ACKR3: variants seen among roughly 807,000 people sequenced by gnomAD.
ACKR3 encodes atypical chemokine receptor 3.
Under a neutral mutation model 22.4 loss-of-function variants are expected in ACKR3, and 6 were observed. The observed-to-expected ratio is 0.27, with a 90% CI of 0.15 to 0.53. The LOEUF (loss-of-function observed/expected upper bound fraction) is 0.53. Ranked by LOEUF, ACKR3 falls within the 20% of genes least tolerant of loss-of-function variation. ACKR3 has a pLI of 0.96. For missense variants in ACKR3, 396 were observed against 475.2 expected (o/e 0.83, Z 1.55); for synonymous variants, 209 against 205.2 (o/e 1.02, Z -0.16).
At chr2:236,561,308 AAAAAG>A in the ACKR3 span, among the ~76,000 whole-genome samples, 1 of 152,352 alleles carries the variant, frequency 6.6e-6, no homozygotes, top group East Asian at 1.9e-4. Flanking sequence ...TAAAATCTAA[AAAAAG>A]AAGAGTATGG....
the ACKR3 span, among the ~76,000 whole-genome samples, chr2:236,539,319 T>TG: frequency 7.0e-6 from 1 of 143,598 alleles, no homozygotes. Context: ...TTTTTTTTTT[T>TG]TTTTTGTTTT....
upstream of ACKR3, among the ~76,000 whole-genome samples, chr2:236,568,789 T>C (rs1457329622): frequency 2.0e-5 from 3 of 152,194 alleles, no homozygotes; most frequent in African/African-American, 7.2e-5. Flanking sequence ...TTAGTAGAAG[T>C]ATAAAAAGAA....
In ACKR3 at chr2:236,577,489, C is replaced by G. The variant is rs977738567; in HGVS notation, c.-26-2951C>G. 6.6e-6 allele frequency among the ~76,000 whole-genome samples: 1 copy of G among 152,112 alleles called. No individual in the cohort carries two copies. Among genetic ancestry groups the G allele is most frequent in the Non-Finnish European group, 1.5e-5 (1 of 68,028 alleles). ...AGAATACTGAAGGCTGCTGGTAGCT[C>G]AAAGCGGGTGAGTGTCTATTTTGTG... On this transcript the variant is annotated intron_variant, in intron 1 of 1. Transcript: ENST00000272928. The surrounding 1 kb of genome is among the most constrained non-coding windows in gnomAD (Gnocchi z 5.6).
the ACKR3 span, among the ~76,000 whole-genome samples, chr2:236,545,290 G>T: frequency 6.6e-6 from 1 of 152,182 alleles, no homozygotes; most frequent in Non-Finnish European, 1.5e-5. This position sits in a 1 kb window ranked among gnomAD's most constrained non-coding sequence, Gnocchi z 5.3. Context: ...TGCCTGGTGG[G>T]CTCACTCACG....
At chr2:236,566,127 C>T (rs763820561), upstream of ACKR3, among the ~76,000 whole-genome samples, 3 of 152,200 alleles carry the variant, frequency 2.0e-5, no homozygotes, top group East Asian at 1.9e-4. Flanking sequence ...AAGTCAGGTG[C>T]GGTTTCTGGA....
chr2:236,557,512 T>G, the ACKR3 span, among the ~76,000 whole-genome samples: 3 of 152,290 alleles, frequency 2.0e-5, no homozygotes, highest in East Asian at 5.8e-4. Flanking sequence ...GGCCATATAT[T>G]GAAAGGACAT....
rs1202574545 is a variant in ACKR3, at chr2:236,581,736, G to A, written c.*182G>A. On this transcript the variant is annotated 3_prime_UTR_variant, in exon 2 of 2. Transcript: ENST00000272928. The surrounding 1 kb of genome is among the most constrained non-coding windows in gnomAD (Gnocchi z 4.4). ...TTGATGACGCAGCTGTCATTTGGCT[G>A]TGCGTGCTGACAGTTTTGCAACAGG... 6.3e-6 allele frequency: 5 copies of A among 798,242 alleles called. No individual in the cohort carries two copies. Among genetic ancestry groups the A allele is most frequent in the East Asian group, 5.6e-5 (2 of 35,620 alleles). The allele number at this position is 798,242 out of a possible 1,614,324, so 49.4% of individuals were successfully genotyped here.
Position 236,580,810 on chromosome 2 carries a change from C to G in ACKR3, c.345C>G (p.Leu115=). 2 of 1,614,220 alleles carry G rather than the reference C, an allele frequency of 1.2e-6. No homozygotes were observed. The highest frequency in any genetic ancestry group is 1.7e-6 in the Non-Finnish European group (2 of 1,180,050). Residue 115 remains leucine, a synonymous_variant, in exon 2 of 2, where the codon CTC becomes CTG. Transcript: ENST00000272928. ...VQHNQWPMGE[L]TCKVTHLIFS... The stretch of plus-strand genomic sequence containing the variant: ...ACAACCAGTGGCCCATGGGCGAGCT[C>G]ACGTGCAAAGTCACACACCTCATCT...
At chr2:236,570,571 CTAATT>C (rs1354696682) in intron 1 of ACKR3, among the ~76,000 whole-genome samples, 1 of 152,206 alleles carries the variant, frequency 6.6e-6, no homozygotes, top group African/African-American at 2.4e-5. Context: ...GCTTGCTAAT[CTAATT>C]TGAGTATTGT....
the ACKR3 span, among the ~76,000 whole-genome samples, chr2:236,562,534 C>A: frequency 1.4e-3 from 213 of 152,168 alleles, 1 homozygote; most frequent in Non-Finnish European, 2.5e-3. Context: ...AGTGAAGTTT[C>A]TGGGTCACAA....
chr2:236,578,731 C>T (rs1056587575), intron 1 of ACKR3, among the ~76,000 whole-genome samples: 1 of 152,232 alleles, frequency 6.6e-6, no homozygotes, highest in Non-Finnish European at 1.5e-5. Flanking sequence ...TTCAGGGATT[C>T]TGTTCAAGTT....
intron 1 of ACKR3, among the ~76,000 whole-genome samples, chr2:236,576,229 G>A (rs1276356284): frequency 6.6e-6 from 1 of 152,222 alleles, no homozygotes. Context: ...AGGCCCTGTG[G>A]CTATCGGCCT....
Position 236,577,020 on chromosome 2 carries a change from G to C in ACKR3, c.-26-3420G>C, listed in dbSNP as rs777169369. On this transcript the variant is annotated intron_variant, in intron 1 of 1. Coordinates refer to ENST00000272928, the MANE Select transcript of ACKR3 (RefSeq NM_020311.3). The surrounding 1 kb of genome is among the most constrained non-coding windows in gnomAD (Gnocchi z 5.6). ...TTTGGTGGTGGGAAGGGAGAGGCCC[G>C]TCCAGGCCCCGAGAGGAAAGCAGGT... is the stretch of plus-strand genomic sequence containing the variant. Among the ~76,000 whole-genome samples the C allele has an allele frequency of 6.6e-6, 1 of 152,198 alleles. No homozygotes were observed. Among genetic ancestry groups the C allele is most frequent in the Non-Finnish European group, 1.5e-5 (1 of 68,038 alleles).
At chr2:236,559,515 C>G in the ACKR3 span, among the ~76,000 whole-genome samples, 1 of 152,186 alleles carries the variant, frequency 6.6e-6, no homozygotes, top group Non-Finnish European at 1.5e-5. Flanking sequence ...TATAGCTCTA[C>G]AAACAATATG....
At chr2:236,575,744 T>C (rs1175341884) in intron 1 of ACKR3, among the ~76,000 whole-genome samples, 1 of 152,144 alleles carries the variant, frequency 6.6e-6, no homozygotes, top group East Asian at 1.9e-4. Context: ...ACTCTCCCTG[T>C]GCATGAAGGG....
At chr2:236,567,595 C>T (rs1031347175), upstream of ACKR3, among the ~76,000 whole-genome samples, 2 of 152,166 alleles carry the variant, frequency 1.3e-5, no homozygotes, top group Non-Finnish European at 2.9e-5. Context: ...GGGTGGGAGG[C>T]CCAAGGAGAC....
At position 236,581,284 on chromosome 2, in the gene ACKR3, G is replaced by T. The variant is rs376244028; in HGVS notation, c.819G>T (p.Leu273=). Residue 273 remains leucine (L), a synonymous_variant, in exon 2 of 2, where the codon CTG becomes CTT. Transcript: ENST00000272928. This position sits in a 1 kb window ranked among gnomAD's most constrained non-coding sequence, Gnocchi z 4.4. ...VCWLPYHVAV[L]LDIFSILHYI... Reference sequence around the variant, plus strand: ...GGCTGCCCTACCACGTGGCGGTGCTGCTGGACATCTTCTCCATCCTGCACT... The same window carrying T: ...GGCTGCCCTACCACGTGGCGGTGCTTCTGGACATCTTCTCCATCCTGCACT... The T allele has an allele frequency of 1.8e-3, 2,962 of 1,614,044 alleles. 75 individuals carry two copies. In the South Asian group the frequency reaches 0.029, roughly 16 times the overall value.
intron 1 of ACKR3, among the ~76,000 whole-genome samples, chr2:236,578,287 G>C (rs982620754): frequency 3.3e-5 from 5 of 152,212 alleles, no homozygotes; most frequent in African/African-American, 7.2e-5. Flanking sequence ...CTAGAGCTGC[G>C]TCTTAGGACA....
rs374504172 is a variant in ACKR3 at position 236,581,428 on chromosome 2, C to T, written c.963C>T (p.Asn321=). ...NPVLYSFINR[N]YRYELMKAFI... ...TCCTCTACAGCTTCATCAATCGCAA[C>T]TACAGGTACGAGCTGATGAAGGCCT... Residue 321 remains asparagine, a synonymous_variant, in exon 2 of 2, where the codon AAC becomes AAT. Coordinates refer to ENST00000272928, the MANE Select transcript of ACKR3 (RefSeq NM_020311.3). The surrounding 1 kb of genome is among the most constrained non-coding windows in gnomAD (Gnocchi z 4.4). 25 of 1,614,056 alleles carry T rather than the reference C, an allele frequency of 1.5e-5. No individual in the cohort carries two copies. The highest frequency in any genetic ancestry group is 1.9e-5 in the Non-Finnish European group (23 of 1,180,044).
Sources: allele counts gnomAD v4.1 joint callset (sites outside exome capture counted in the v4.1 genomes callset), GRCh38; gene constraint gnomAD v4.1.1; non-coding constraint Gnocchi (gnomAD v3.1); transcripts MANE v1.5; gene names NCBI Gene and HGNC (gene_info 2026-07-23, HGNC 2026-07-21).